CALN1: variants seen among roughly 807,000 people sequenced by gnomAD.
CALN1 encodes the protein calcium-binding protein 8.
In CALN1, 17 loss-of-function variants were observed where a neutral mutation model predicts 30.6. That is an observed-to-expected ratio of 0.56 (90% confidence interval 0.38 to 0.83). The LOEUF is 0.83. CALN1 is among the 40% of genes least tolerant of loss of function. The pLI, the probability that CALN1 is intolerant of heterozygous loss-of-function variation, is 0.00. For synonymous variants in CALN1, 156 were observed against 131.4 expected (o/e 1.19, Z -1.28); for missense variants, 291 against 354.9 (o/e 0.82, Z 1.45).
At chr7:72,294,366 G>A (rs914137016) in intron 2 of CALN1, among the ~76,000 whole-genome samples, 2 of 151,782 alleles carry the variant, frequency 1.3e-5, no homozygotes, top group Non-Finnish European at 3.0e-5. Flanking sequence ...GTCATTCTAT[G>A]TTTGAGGGTA....
chr7:72,287,572 G>A (rs1030563804), intron 2 of CALN1, among the ~76,000 whole-genome samples: 20 of 147,484 alleles, frequency 1.4e-4, no homozygotes, highest in African/African-American at 3.5e-4. Context: ...TCAGCCTCCC[G>A]AGTAGCTGGG....
the CALN1 span, among the ~76,000 whole-genome samples, chr7:72,456,194 A>G: frequency 1.3e-5 from 2 of 150,804 alleles, no homozygotes; most frequent in Non-Finnish European, 2.9e-5. Flanking sequence ...AAAAAAAAAA[A>G]AAAGAGAGAG....
intron 2 of CALN1, among the ~76,000 whole-genome samples, chr7:72,377,253 C>T (rs1449136915): frequency 6.6e-6 from 1 of 152,144 alleles, no homozygotes; most frequent in Non-Finnish European, 1.5e-5. Context: ...TGCATTGAGT[C>T]TGCAGGTCAA....
At chr7:72,353,672 T>C (rs915798622) in intron 2 of CALN1, among the ~76,000 whole-genome samples, 3 of 152,162 alleles carry the variant, frequency 2.0e-5, no homozygotes, top group Admixed American at 2.0e-4. Flanking sequence ...AAAGGGCTTC[T>C]ATTGAACATT....
chr7:71,990,806 T>C (rs1798907122), intron 5 of CALN1, among the ~76,000 whole-genome samples: 1 of 152,170 alleles, frequency 6.6e-6, no homozygotes. Flanking sequence ...AACTTGCTCT[T>C]ACTTTACTCT....
intron 3 of CALN1, among the ~76,000 whole-genome samples, chr7:72,145,008 A>T (rs949650173): frequency 6.6e-6 from 1 of 152,236 alleles, no homozygotes. Flanking sequence ...AAATGCCCAC[A>T]AGAGAAAGCA....
rs528342826 is a variant in CALN1 at position 72,177,090 on chromosome 7, C to T, written c.245-70796G>A. Reference sequence around the variant, plus strand: ...GCTGAAACAGTGAGGAGGCGGGATGCGTGGGTGTAATCCTTAAAAGTGATG... The same window carrying T: ...GCTGAAACAGTGAGGAGGCGGGATGTGTGGGTGTAATCCTTAAAAGTGATG... On this transcript the variant is annotated intron_variant, in intron 3 of 6. Transcript: ENST00000395275. 5.2e-4 allele frequency among the ~76,000 whole-genome samples: 79 copies of T among 152,234 alleles called. No homozygotes were observed. In the South Asian group the frequency reaches 0.016, roughly 30 times the overall value.
chr7:72,101,946 C>T (rs930484184), intron 4 of CALN1, among the ~76,000 whole-genome samples: 2 of 152,130 alleles, frequency 1.3e-5, no homozygotes, highest in African/African-American at 4.8e-5. Context: ...TTATCTAAGG[C>T]AGGATCTAGC....
intron 3 of CALN1, among the ~76,000 whole-genome samples, chr7:72,177,889 C>T (rs898794493): frequency 3.9e-5 from 6 of 152,084 alleles, no homozygotes; most frequent in East Asian, 1.9e-4. Context: ...AACATGTTCG[C>T]GTCCCTTAGC....
chr7:72,179,961 C>T (rs1306408871), intron 3 of CALN1, among the ~76,000 whole-genome samples: 1 of 152,178 alleles, frequency 6.6e-6, no homozygotes, highest in Non-Finnish European at 1.5e-5. Context: ...GATCCCACCT[C>T]CCTAATTGTC....
At chr7:71,818,720 A>ATTTT (rs1554345386) in intron 5 of CALN1, among the ~76,000 whole-genome samples, 1 of 77,554 alleles carries the variant, frequency 1.3e-5, no homozygotes, top group African/African-American at 4.6e-5. Context: ...TTATTTATTT[A>ATTTT]TTTTTTTGAG....
intron 2 of CALN1, among the ~76,000 whole-genome samples, chr7:72,281,126 A>G (rs1020409539): frequency 1.3e-5 from 2 of 150,970 alleles, no homozygotes; most frequent in African/African-American, 4.9e-5. Flanking sequence ...CCTGGGCAAC[A>G]AGAGCGTCTA....
intron 2 of CALN1, among the ~76,000 whole-genome samples, chr7:72,287,636 TG>T (rs1223142288): frequency 2.6e-5 from 4 of 151,804 alleles, no homozygotes; most frequent in African/African-American, 4.8e-5. Flanking sequence ...TTAGTAGAGA[TG>T]GGGTTTCACC....
the CALN1 span, among the ~76,000 whole-genome samples, chr7:72,463,481 C>T: frequency 1.3e-5 from 2 of 152,258 alleles, no homozygotes; most frequent in Admixed American, 1.3e-4. Context: ...TCTGGGAGTT[C>T]AGGAAGCACC....
At position 72,032,052 on chromosome 7, in the gene CALN1, C is replaced by CTTT. The variant is rs1184047697; in HGVS notation, c.389-8286_389-8284dup. ...GTGAGCCACCACACCTGGCTCCTGG[C>CTTT]TTTTTTTTTTTTTTTTTTTTTTTTG... is the stretch of plus-strand genomic sequence containing the variant. On this transcript the variant is annotated intron_variant, in intron 4 of 6. Coordinates refer to ENST00000395275, the MANE Select transcript of CALN1 (RefSeq NM_031468.4). Among the ~76,000 whole-genome samples, 404 of 66,578 alleles carry CTTT rather than the reference C, an allele frequency of 6.1e-3. 18 individuals are homozygous for CTTT. The highest frequency in any genetic ancestry group is 7.3e-3 in the Non-Finnish European group (247 of 34,030). The allele number at this position is 66,578 out of a possible 152,430, so 43.7% of individuals were successfully genotyped here.
intron 2 of CALN1, among the ~76,000 whole-genome samples, chr7:72,399,693 A>C (rs1806210147): frequency 6.6e-6 from 1 of 152,204 alleles, no homozygotes; most frequent in South Asian, 2.1e-4. Context: ...ATGGAGAGTC[A>C]ACTAACTCCA....
At chr7:72,220,194 C>T in intron 3 of CALN1, among the ~76,000 whole-genome samples, 1 of 105,820 alleles carries the variant, frequency 9.5e-6, no homozygotes, top group Admixed American at 1.3e-4. Context: ...CTCCCCCCTC[C>T]CCCCACCCCA....
rs748108587 is a variant in CALN1, at chr7:72,162,010, T to TTA, written c.245-55718_245-55717dup. ...AATGATATAATACTTTATATATATATTATATATATATATTAGGATTTTGGT... is the reference window on the plus strand; with the variant it reads ...AATGATATAATACTTTATATATATATTATATATATATATATTAGGATTTTGGT... On this transcript the variant is annotated intron_variant, in intron 3 of 6. Coordinates refer to ENST00000395275, the MANE Select transcript of CALN1 (RefSeq NM_031468.4). 1.4e-3 allele frequency among the ~76,000 whole-genome samples: 203 copies of TTA among 150,112 alleles called. 1 individual carries two copies. The highest frequency in any genetic ancestry group is 7.7e-4 in the Non-Finnish European group (52 of 67,622).
At chr7:72,248,648 A>T (rs1346449489) in intron 3 of CALN1, among the ~76,000 whole-genome samples, 1 of 152,036 alleles carries the variant, frequency 6.6e-6, no homozygotes, top group East Asian at 1.9e-4. Context: ...TAATCTCTCC[A>T]TCTCAACATC....
Sources: gnomAD v4.1 joint callset for allele counts (sites outside exome capture counted in the v4.1 genomes callset) on GRCh38, gnomAD v4.1.1 for gene constraint, MANE v1.5 for transcripts, NCBI Gene and HGNC (gene_info 2026-07-23, HGNC 2026-07-21) for gene names.